Variants in LUZP2 observed in about 807,000 individuals in gnomAD.
The protein encoded by LUZP2 is leucine zipper protein 2.
LUZP2 carries 52 observed loss-of-function variants against 51.6 expected under a neutral mutation model. The ratio of observed to expected loss-of-function variants is 1.01; its 90% CI spans 0.81 to 1.27. The LOEUF is 1.27. Ranked by LOEUF, LUZP2 falls within the 50% of genes most tolerant of loss-of-function variation. The probability of loss-of-function intolerance (pLI) is 0.00; values close to 1 mark genes in which losing one functional copy is unlikely to be tolerated. For missense variants in LUZP2, 436 were observed against 395.4 expected (o/e 1.10, Z -0.87); for synonymous variants, 154 against 137.3 (o/e 1.12, Z -0.85).
chr11:24,713,132 G>A (rs1857901595), intron 1 of LUZP2, among the ~76,000 whole-genome samples: 1 of 152,138 alleles, frequency 6.6e-6, no homozygotes. Context: ...TATCCCGGTG[G>A]TCACATTGAG....
chr11:25,038,179 A>G (rs561630545), intron 9 of LUZP2, among the ~76,000 whole-genome samples: 16 of 152,224 alleles, frequency 1.1e-4, no homozygotes, highest in South Asian at 1.0e-3. Flanking sequence ...ATAATCTCAT[A>G]TTTCTCAGAG....
intron 1 of LUZP2, among the ~76,000 whole-genome samples, chr11:24,504,710 A>T (rs1035585710): frequency 5.3e-5 from 8 of 151,630 alleles, no homozygotes; most frequent in South Asian, 2.1e-4. Flanking sequence ...TAATTTAATA[A>T]TTTTTTTTTA....
chr11:24,584,479 C>G (rs1339394131), intron 1 of LUZP2, among the ~76,000 whole-genome samples: 2 of 152,178 alleles, frequency 1.3e-5, no homozygotes, highest in African/African-American at 2.4e-5. Context: ...AATTATATAT[C>G]TGATCTATTG....
chr11:25,010,199 A>G (rs1856942464), intron 9 of LUZP2, among the ~76,000 whole-genome samples: 2 of 152,166 alleles, frequency 1.3e-5, no homozygotes, highest in African/African-American at 2.4e-5. Context: ...TCCTAGTTAT[A>G]AAATCATTGG....
intron 1 of LUZP2, among the ~76,000 whole-genome samples, chr11:24,648,104 A>G (rs1855516643): frequency 1.3e-5 from 2 of 151,928 alleles, no homozygotes; most frequent in South Asian, 2.1e-4. Flanking sequence ...TTCATGTTCA[A>G]CACTGATGCA....
chr11:25,005,064 C>G (rs2133948893), intron 9 of LUZP2, among the ~76,000 whole-genome samples: 1 of 152,270 alleles, frequency 6.6e-6, no homozygotes, highest in East Asian at 1.9e-4. Flanking sequence ...CTGCCTTGAT[C>G]TGCTTTAAGT....
intron 9 of LUZP2, among the ~76,000 whole-genome samples, chr11:24,989,747 A>G (rs1309108867): frequency 6.6e-6 from 1 of 152,138 alleles, no homozygotes; most frequent in Admixed American, 6.6e-5. Context: ...ATTCAAAGAG[A>G]ATATGCTGGC....
intron 1 of LUZP2, among the ~76,000 whole-genome samples, chr11:24,578,819 G>GTAC (rs1164228423): frequency 6.6e-6 from 1 of 151,976 alleles, no homozygotes; most frequent in Admixed American, 6.6e-5. Flanking sequence ...TAACTATTGG[G>GTAC]TACTATGCTC....
chr11:24,501,505 CTA>C (rs1229359494), intron 1 of LUZP2, among the ~76,000 whole-genome samples: 1 of 152,184 alleles, frequency 6.6e-6, no homozygotes, highest in Non-Finnish European at 1.5e-5. Flanking sequence ...TTATAAGAAA[CTA>C]TGTGTGCGGC....
chr11:24,839,345 G>C (rs1850954813), intron 5 of LUZP2, among the ~76,000 whole-genome samples: 1 of 151,512 alleles, frequency 6.6e-6, no homozygotes, highest in Admixed American at 6.6e-5. Context: ...CCATGCCAAT[G>C]GTTAAATCTT....
chr11:24,557,540 T>G (rs889343545), intron 1 of LUZP2, among the ~76,000 whole-genome samples: 2 of 152,034 alleles, frequency 1.3e-5, no homozygotes, highest in Admixed American at 6.6e-5. Context: ...GTAATGCAAA[T>G]GCAAGGGAAA....
intron 5 of LUZP2, among the ~76,000 whole-genome samples, chr11:24,829,494 A>C (rs1043454263): frequency 3.9e-5 from 6 of 152,188 alleles, no homozygotes; most frequent in African/African-American, 1.4e-4. Flanking sequence ...GTGCTCAAAG[A>C]TTGTGGGAGA....
At chr11:24,675,110 T>C (rs529148296) in intron 1 of LUZP2, among the ~76,000 whole-genome samples, 6 of 152,302 alleles carry the variant, frequency 3.9e-5, no homozygotes, top group African/African-American at 1.2e-4. Context: ...AGATGTGACG[T>C]TGAAGTTTAG....
chr11:24,987,289 G>A (rs931806167), intron 9 of LUZP2, among the ~76,000 whole-genome samples: 1 of 151,842 alleles, frequency 6.6e-6, no homozygotes, highest in African/African-American at 2.4e-5. Context: ...TCAAGTGTTA[G>A]AATACATTAA....
intron 1 of LUZP2, among the ~76,000 whole-genome samples, chr11:24,546,207 C>A (rs1851536406): frequency 6.6e-6 from 1 of 151,964 alleles, no homozygotes. Context: ...TTCTTCGATA[C>A]AGGATTATAT....
chr11:24,670,425 A>C (rs567654758), intron 1 of LUZP2, among the ~76,000 whole-genome samples: 1 of 152,188 alleles, frequency 6.6e-6, no homozygotes, highest in Admixed American at 6.5e-5. Context: ...ATTAAAGATT[A>C]GTTATATAAG....
At chr11:24,560,331 A>C (rs963613784) in intron 1 of LUZP2, among the ~76,000 whole-genome samples, 4 of 152,214 alleles carry the variant, frequency 2.6e-5, no homozygotes, top group Admixed American at 6.6e-5. Flanking sequence ...TCTACTTTTA[A>C]AACATATTGT....
At chr11:24,532,242 G>T (rs1851027640) in intron 1 of LUZP2, among the ~76,000 whole-genome samples, 1 of 149,762 alleles carries the variant, frequency 6.7e-6, no homozygotes, top group Non-Finnish European at 1.5e-5. Context: ...TTCAAACAAA[G>T]CATATTGCAA....
rs146301599 is a variant in LUZP2 at position 24,853,667 on chromosome 11, G to A, written c.397-52324G>A. On this transcript the variant is annotated intron_variant, in intron 5 of 11. Transcript: ENST00000336930. ...TGCATCCAGTTTTGTTCCCATGCTG[G>A]CAAGGAGTTGTGATCCTTTGGAGGA... Among the ~76,000 whole-genome samples, 508 of 152,124 alleles carry A rather than the reference G, an allele frequency of 3.3e-3. 3 individuals are homozygous for A. Among genetic ancestry groups the A allele is most frequent in the Middle Eastern group, 6.8e-3 (2 of 294 alleles).
Sources: allele counts gnomAD v4.1 joint callset (sites outside exome capture counted in the v4.1 genomes callset), GRCh38; gene constraint gnomAD v4.1.1; transcripts MANE v1.5; gene names NCBI Gene and HGNC (gene_info 2026-07-23, HGNC 2026-07-21).